CCDC102B: variants seen among roughly 807,000 people sequenced by gnomAD.
CCDC102B encodes the protein coiled-coil domain containing 102B.
A neutral mutation model predicts 57.4 loss-of-function variants in CCDC102B; 75 were observed. That is an observed-to-expected ratio of 1.31 (90% CI 1.08 to 1.58). The LOEUF (loss-of-function observed/expected upper bound fraction) is 1.58, where lower values mean the gene tolerates loss of function less well. CCDC102B is among the 40% of genes most tolerant of loss of function. The pLI, the probability that CCDC102B is intolerant of heterozygous loss-of-function variation, is 0.00. For missense variants in CCDC102B, 636 were observed against 582.6 expected, an observed-to-expected ratio of 1.09 and a Z score of -0.94; for synonymous variants, 206 against 201.9, an observed-to-expected ratio of 1.02 and a Z score of -0.17.
intron 2 of CCDC102B, among the ~76,000 whole-genome samples, chr18:68,717,088 A>G (rs1350941756): frequency 6.6e-6 from 1 of 151,126 alleles, no homozygotes; most frequent in Non-Finnish European, 1.5e-5. Context: ...AAAAAAAAAA[A>G]AAAAAATTAG....
intron 6 of CCDC102B, among the ~76,000 whole-genome samples, chr18:68,918,252 A>G (rs1011379704): frequency 6.6e-6 from 1 of 152,176 alleles, no homozygotes; most frequent in Non-Finnish European, 1.5e-5. Flanking sequence ...GTCAGCATTC[A>G]TTTCATCTTA....
chr18:68,879,120 G>A (rs1291394077), intron 5 of CCDC102B, among the ~76,000 whole-genome samples: 2 of 151,814 alleles, frequency 1.3e-5, no homozygotes, highest in Non-Finnish European at 2.9e-5. Context: ...CTCCCAGTGG[G>A]CTCGTGGTCT....
intron 6 of CCDC102B, among the ~76,000 whole-genome samples, chr18:68,959,782 T>A (rs2050000080): frequency 6.6e-6 from 1 of 152,040 alleles, no homozygotes. Flanking sequence ...GTCCCCTGGC[T>A]CATGGTGTGT....
chr18:69,001,264 T>C (rs2051193494), intron 6 of CCDC102B, among the ~76,000 whole-genome samples: 1 of 152,212 alleles, frequency 6.6e-6, no homozygotes, highest in Admixed American at 6.5e-5. Flanking sequence ...GTGTACCTCT[T>C]CTTTAACTTA....
chr18:68,900,740 A>G (rs2040420147), intron 6 of CCDC102B, among the ~76,000 whole-genome samples: 2 of 152,202 alleles, frequency 1.3e-5, no homozygotes, highest in Non-Finnish European at 2.9e-5. Flanking sequence ...AAAGTTGGTA[A>G]GCTCATAACT....
chr18:68,778,761 C>T (rs1011100331), intron 2 of CCDC102B, among the ~76,000 whole-genome samples: 1 of 151,410 alleles, frequency 6.6e-6, no homozygotes, highest in Admixed American at 6.6e-5. Context: ...GTGAACAGGG[C>T]ATGGGAACTG....
intron 2 of CCDC102B, among the ~76,000 whole-genome samples, chr18:68,785,404 T>C (rs930243479): frequency 6.6e-5 from 10 of 152,172 alleles, no homozygotes; most frequent in South Asian, 2.1e-4. Flanking sequence ...AATCGCCACA[T>C]TGACTTCCAC....
chr18:69,031,711 C>T (rs984624903), intron 7 of CCDC102B, among the ~76,000 whole-genome samples: 2 of 152,074 alleles, frequency 1.3e-5, no homozygotes, highest in Admixed American at 6.6e-5. Context: ...TTTCACTCCC[C>T]TTTGTGGAAG....
chr18:68,946,565 GA>G (rs1418611588), intron 6 of CCDC102B, among the ~76,000 whole-genome samples: 3 of 151,884 alleles, frequency 2.0e-5, no homozygotes, highest in African/African-American at 4.8e-5. Flanking sequence ...CTATAAATTA[GA>G]GACGAACATT....
At chr18:69,018,732 A>AT (rs149724574) in intron 7 of CCDC102B, among the ~76,000 whole-genome samples, 4,974 of 151,592 alleles carry the variant, frequency 0.033, 234 homozygotes, top group African/African-American at 0.1. Context: ...TTGCCTTTTC[A>AT]TTTTCTTTTT....
chr18:68,738,993 C>CTTTTTTTTTTTTTTTTTT lies in CCDC102B; in HGVS notation c.-67+22403_-67+22404insTTTTTTTTTTTTTTTTTT, dbSNP rs201214278. On this transcript the variant is annotated intron_variant, in intron 2 of 3. Coordinates refer to the CCDC102B transcript ENST00000578970. ...GGCCATTGGACTGTAGATGAGCAGCCTTTTGTTTTTTTTTTTTTTAGACCA... is the reference window on the plus strand; with the variant it reads ...GGCCATTGGACTGTAGATGAGCAGCCTTTTTTTTTTTTTTTTTTTTTTGTTTTTTTTTTTTTTAGACCA... Among the ~76,000 whole-genome samples, 46 of 145,002 alleles carry CTTTTTTTTTTTTTTTTTT rather than the reference C, an allele frequency of 3.2e-4. 2 individuals are homozygous for CTTTTTTTTTTTTTTTTTT. The highest frequency in any genetic ancestry group is 9.0e-4 in the African/African-American group (34 of 37,958).
intron 2 of CCDC102B, among the ~76,000 whole-genome samples, chr18:68,783,867 T>A (rs1402644025): frequency 1.3e-5 from 2 of 152,196 alleles, no homozygotes; most frequent in East Asian, 3.9e-4. Context: ...AATTAAAGTC[T>A]GCTGATAACA....
At chr18:68,930,650 A>G (rs2145137541) in intron 6 of CCDC102B, among the ~76,000 whole-genome samples, 1 of 152,052 alleles carries the variant, frequency 6.6e-6, no homozygotes, top group East Asian at 1.9e-4. Context: ...CAAAGCCAGC[A>G]TGTGGTCTAC....
At chr18:68,866,732 G>A (rs962137510) in intron 4 of CCDC102B, 7 of 570,148 alleles carry the variant, frequency 1.2e-5, no homozygotes, top group African/African-American at 3.8e-5. Context: ...ATTTGCCACC[G>A]TGGGTCTGGT....
At chr18:68,967,486 A>G (rs2050194104) in intron 6 of CCDC102B, among the ~76,000 whole-genome samples, 2 of 152,202 alleles carry the variant, frequency 1.3e-5, no homozygotes, top group African/African-American at 4.8e-5. Context: ...ATAAGATTAG[A>G]TTTGAACGAA....
At chr18:68,984,692 T>G (rs2050680436) in intron 6 of CCDC102B, among the ~76,000 whole-genome samples, 1 of 152,120 alleles carries the variant, frequency 6.6e-6, no homozygotes, top group East Asian at 1.9e-4. Context: ...ATTATTTACC[T>G]AACTTTGGAT....
intron 5 of CCDC102B, among the ~76,000 whole-genome samples, chr18:68,891,600 C>T (rs548606579): frequency 6.6e-6 from 1 of 152,292 alleles, no homozygotes; most frequent in Non-Finnish European, 1.5e-5. Flanking sequence ...TATTTTCTCA[C>T]AGTTCTGGAG....
intron 7 of CCDC102B, among the ~76,000 whole-genome samples, chr18:69,028,015 C>A (rs1274517135): frequency 6.6e-6 from 1 of 152,094 alleles, no homozygotes; most frequent in East Asian, 1.9e-4. Flanking sequence ...ATGATGACTG[C>A]CACTTAGTAA....
chr18:68,990,557 C>A (rs886725667), intron 6 of CCDC102B, among the ~76,000 whole-genome samples: 2 of 152,118 alleles, frequency 1.3e-5, no homozygotes, highest in Non-Finnish European at 2.9e-5. Flanking sequence ...TGTGTGTATA[C>A]AAGGTATGCG....
Sources: allele counts gnomAD v4.1 joint callset (sites outside exome capture counted in the v4.1 genomes callset), GRCh38; gene constraint gnomAD v4.1.1; transcripts MANE v1.5; gene names NCBI Gene and HGNC (gene_info 2026-07-23, HGNC 2026-07-21).